Variants in ARSG observed in about 807,000 individuals in gnomAD.
ARSG encodes arylsulfatase G.
A neutral mutation model predicts 50.5 loss-of-function variants in ARSG; 37 were observed. The ratio of observed to expected loss-of-function variants is 0.73; its 90% confidence interval spans 0.56 to 0.96. The LOEUF (loss-of-function observed/expected upper bound fraction) is 0.96, where lower values mean the gene tolerates loss of function less well. Ranked by LOEUF, ARSG falls within the 50% of genes least tolerant of loss-of-function variation. ARSG has a pLI of 0.00. For missense variants in ARSG, 629 were observed against 675.3 expected (o/e 0.93, Z 0.76); for synonymous variants, 225 against 254.6 (o/e 0.88, Z 1.11).
At chr17:68,369,589 A>C (rs2079724871) in intron 7 of ARSG, among the ~76,000 whole-genome samples, 1 of 151,928 alleles carries the variant, frequency 6.6e-6, no homozygotes, top group African/African-American at 2.4e-5. Context: ...TATACTCTCT[A>C]CCGTGCAGTG....
chr17:68,429,942 A>G, the ARSG span: 2 of 1,608,300 alleles, frequency 1.2e-6, no homozygotes, highest in Non-Finnish European at 1.7e-6. Context: ...GTGCTTTGGA[A>G]AAATACATTG....
At chr17:68,328,881 C>G (rs575979978) in intron 2 of ARSG, among the ~76,000 whole-genome samples, 6 of 152,270 alleles carry the variant, frequency 3.9e-5, no homozygotes, top group African/African-American at 1.2e-4. Context: ...AGTGCAGGAC[C>G]TGAGCTGCTG....
chr17:68,311,851 A>G (rs1213208112), intron 2 of ARSG, among the ~76,000 whole-genome samples: 2 of 131,208 alleles, frequency 1.5e-5, no homozygotes, highest in East Asian at 4.4e-4. Flanking sequence ...CCCAGGTTGG[A>G]GTGCAGTAGT....
chr17:68,447,740 C>T, the ARSG span, among the ~76,000 whole-genome samples: 1 of 152,194 alleles, frequency 6.6e-6, no homozygotes, highest in East Asian at 1.9e-4. Context: ...CACCTGTAAT[C>T]CCTGCACTTT....
At chr17:68,347,055 T>C in intron 3 of ARSG, 70 bp from the exon 4 acceptor site, 6 of 1,588,762 alleles carry the variant, frequency 3.8e-6, no homozygotes, top group Non-Finnish European at 5.2e-6. Context: ...GAGTGTGTGA[T>C]CAGCTCCTCA....
At chr17:68,346,582 G>A (rs916111336) in intron 3 of ARSG, among the ~76,000 whole-genome samples, 1 of 152,078 alleles carries the variant, frequency 6.6e-6, no homozygotes, top group Non-Finnish European at 1.5e-5. Flanking sequence ...CAGACTGAGC[G>A]CATTTGCAGA....
intron 2 of ARSG, among the ~76,000 whole-genome samples, chr17:68,338,677 A>G (rs1026979864): frequency 6.6e-6 from 1 of 152,090 alleles, no homozygotes; most frequent in South Asian, 2.1e-4. Context: ...CTTCATCTAT[A>G]TATGGGAATC....
rs548229695 is a variant in ARSG at position 68,307,716 on chromosome 17, G to C, written c.218+5G>C. 6.8e-7 allele frequency: 1 copy of C among 1,466,796 alleles called. No individual in the cohort carries two copies. The highest frequency in any genetic ancestry group is 1.4e-5 in the African/African-American group (1 of 71,948). The allele number at this position is 1,466,796 out of a possible 1,614,324, so 90.9% of individuals were successfully genotyped here. A position where few individuals can be genotyped will look rare whatever the true frequency, so the allele number is the denominator to read the frequency against. On this transcript the variant is annotated splice_donor_5th_base_variant and intron_variant, in intron 2 of 11. Transcript: ENST00000621439. ...GATGGCTTCGGAGGGAATGAGGTGA[G>C]TCTTGAGATGCCAGGCCAGCCTTTC...
downstream of ARSG, chr17:68,422,101 A>G: frequency 2.5e-6 from 1 of 398,068 alleles, no homozygotes; most frequent in South Asian, 3.2e-5. Flanking sequence ...GGCTCATCTT[A>G]CTTGTAAACA....
At chr17:68,447,901 G>C in the ARSG span, among the ~76,000 whole-genome samples, 25 of 150,864 alleles carry the variant, frequency 1.7e-4, no homozygotes, top group Admixed American at 7.3e-4. Flanking sequence ...GGTGAGGCAG[G>C]AGAATTGCTT....
chr17:68,396,316 C>G (rs2147165403), intron 10 of ARSG, among the ~76,000 whole-genome samples: 1 of 152,300 alleles, frequency 6.6e-6, no homozygotes, highest in East Asian at 1.9e-4. Context: ...TGTATCCGAC[C>G]TGCAGCCTGT....
chr17:68,314,752 G>A (rs1010343810), intron 2 of ARSG, among the ~76,000 whole-genome samples: 10 of 152,106 alleles, frequency 6.6e-5, no homozygotes, highest in South Asian at 2.1e-4. Flanking sequence ...AGTTAGCATA[G>A]AGCCTAGCAT....
intron 8 of ARSG, chr17:68,379,907 G>A (rs912140499): frequency 1.0e-6 from 1 of 971,494 alleles, no homozygotes; most frequent in African/African-American, 1.8e-5. Context: ...GAAGCTTTAT[G>A]TACACTGTCT....
intron 9 of ARSG, among the ~76,000 whole-genome samples, chr17:68,390,888 A>C (rs1441089642): frequency 6.7e-6 from 1 of 149,800 alleles, no homozygotes; most frequent in Admixed American, 6.7e-5. Context: ...CAGCCTCCCA[A>C]AGTGCTGAGA....
chr17:68,346,728 T>C, intron 3 of ARSG: 4 of 1,260,144 alleles, frequency 3.2e-6, no homozygotes, highest in South Asian at 2.6e-5. Context: ...TCTGAGACGA[T>C]GTGGGGCGGT....
intron 1 of ARSG, among the ~76,000 whole-genome samples, chr17:68,304,708 A>G (rs1423428235): frequency 1.3e-5 from 2 of 152,216 alleles, no homozygotes; most frequent in African/African-American, 4.8e-5. Flanking sequence ...TTAGATTTAA[A>G]AAATACAGAT....
chr17:68,427,155 G>A (rs762350980), downstream of ARSG: 1 of 1,614,070 alleles, frequency 6.2e-7, no homozygotes, highest in East Asian at 2.2e-5. Flanking sequence ...GGAGGCTGAA[G>A]ATGCACTTGG....
At chr17:68,411,763 C>T (rs887727618) in intron 11 of ARSG, among the ~76,000 whole-genome samples, 1 of 147,854 alleles carries the variant, frequency 6.8e-6, no homozygotes, top group African/African-American at 2.5e-5. Flanking sequence ...GAGTCTAAGT[C>T]TCTTTGTAGG....
intron 2 of ARSG, among the ~76,000 whole-genome samples, chr17:68,329,253 C>T (rs1413994216): frequency 6.6e-6 from 1 of 152,218 alleles, no homozygotes; most frequent in African/African-American, 2.4e-5. Context: ...AAAAGCAACT[C>T]ACCTTGTCTG....
Sources: gnomAD v4.1 joint callset for allele counts (sites outside exome capture counted in the v4.1 genomes callset) on GRCh38, gnomAD v4.1.1 for gene constraint, MANE v1.5 for transcripts, NCBI Gene and HGNC (gene_info 2026-07-23, HGNC 2026-07-21) for gene names.